Variants in TBC1D5 observed in about 807,000 individuals in gnomAD.
TBC1D5 encodes the protein TBC1 domain family, member 5.
TBC1D5 carries 75 observed loss-of-function variants against 100.3 expected under a neutral mutation model. The observed-to-expected ratio is 0.75, with a 90% CI of 0.62 to 0.91. The LOEUF (loss-of-function observed/expected upper bound fraction) is 0.91. Among genes scored for constraint, TBC1D5 ranks in the 40% least tolerant of loss-of-function variants. The pLI is 0.00. For synonymous variants in TBC1D5, 323 were observed against 325.6 expected, an observed-to-expected ratio of 0.99 and a Z score of 0.09; for missense variants, 910 against 942.4, an observed-to-expected ratio of 0.97 and a Z score of 0.45.
At chr3:17,495,637 G>T (rs2150667761) in intron 3 of TBC1D5, among the ~76,000 whole-genome samples, 1 of 152,324 alleles carries the variant, frequency 6.6e-6, no homozygotes, top group East Asian at 1.9e-4. Flanking sequence ...AGGCCAGATA[G>T]AAGAAGTAAC....
At chr3:17,471,788 T>TC (rs2095378061) in intron 3 of TBC1D5, among the ~76,000 whole-genome samples, 1 of 152,134 alleles carries the variant, frequency 6.6e-6, no homozygotes, top group Non-Finnish European at 1.5e-5. Context: ...CATGTGTTTT[T>TC]CAACCTGAGG....
intron 1 of TBC1D5, among the ~76,000 whole-genome samples, chr3:17,719,324 G>A (rs560765422): frequency 6.6e-6 from 1 of 152,224 alleles, no homozygotes; most frequent in South Asian, 2.1e-4. Flanking sequence ...AGGTTTCTCA[G>A]CAGAGCACCA....
At chr3:17,679,265 G>A (rs1379141166) in intron 1 of TBC1D5, among the ~76,000 whole-genome samples, 1 of 150,288 alleles carries the variant, frequency 6.7e-6, no homozygotes, top group Non-Finnish European at 1.5e-5. Flanking sequence ...TCCTAAAACA[G>A]AAGGTAAATG....
At chr3:17,346,367 C>G (rs2089875766) in intron 13 of TBC1D5, among the ~76,000 whole-genome samples, 1 of 151,954 alleles carries the variant, frequency 6.6e-6, no homozygotes, top group Non-Finnish European at 1.5e-5. Context: ...AATTTTTTTT[C>G]AAATGCTTAT....
At chr3:17,259,724 CGGG>C (rs1203634294) in intron 15 of TBC1D5, among the ~76,000 whole-genome samples, 9 of 91,952 alleles carry the variant, frequency 9.8e-5, no homozygotes, top group Admixed American at 5.6e-4. Context: ...GGGGGGGTTG[CGGG>C]GGGATATAAT....
chr3:17,668,714 T>C (rs1183645280), intron 1 of TBC1D5, among the ~76,000 whole-genome samples: 3 of 152,062 alleles, frequency 2.0e-5, no homozygotes, highest in African/African-American at 7.2e-5. Context: ...ACATTTCACA[T>C]AAAAATTTAG....
chr3:17,455,273 T>G (rs1456072546), intron 3 of TBC1D5, among the ~76,000 whole-genome samples: 1 of 146,704 alleles, frequency 6.8e-6, no homozygotes, highest in Non-Finnish European at 1.5e-5. Context: ...TATATACATA[T>G]ATGTGTGTAT....
intron 17 of TBC1D5, 94 bp downstream of exon 17, chr3:17,238,069 T>A: frequency 6.7e-7 from 1 of 1,487,702 alleles, no homozygotes; most frequent in Non-Finnish European, 9.0e-7. Context: ...TGCATTAATT[T>A]CTATTCTAGG....
At chr3:17,239,167 A>G (rs75254983) in intron 16 of TBC1D5, among the ~76,000 whole-genome samples, 7 of 152,168 alleles carry the variant, frequency 4.6e-5, no homozygotes, top group Admixed American at 2.0e-4. Flanking sequence ...GTTAACTACT[A>G]TATTGCCATT....
chr3:17,679,335 A>T (rs530074109), intron 1 of TBC1D5, among the ~76,000 whole-genome samples: 111 of 151,678 alleles, frequency 7.3e-4, no homozygotes, highest in Admixed American at 1.8e-3. Context: ...AGATTATTGG[A>T]AACAAGACCA....
rs142465942 is a variant in TBC1D5 at position 17,349,927 on chromosome 3, T to C, written c.995+22148A>G. Among the ~76,000 whole-genome samples, 755 of 152,354 alleles carry C rather than the reference T, an allele frequency of 5.0e-3. 13 individuals are homozygous for C. In the East Asian group the frequency reaches 0.073, roughly 15 times the overall value. On this transcript the variant is annotated intron_variant, in intron 13 of 21. Transcript: ENST00000253692. Reference sequence around the variant, plus strand: ...TTATATGAGTATCACAAGTCATTTGTAAATAACATGTTCATTTTAGATATG... The same window carrying C: ...TTATATGAGTATCACAAGTCATTTGCAAATAACATGTTCATTTTAGATATG...
intron 3 of TBC1D5, among the ~76,000 whole-genome samples, chr3:17,468,773 G>A (rs771834000): frequency 2.6e-5 from 4 of 152,142 alleles, no homozygotes; most frequent in Non-Finnish European, 5.9e-5. Context: ...ACTGCAGGCT[G>A]TTTCATAATA....
chr3:17,172,372 T>C (rs2067245372), intron 19 of TBC1D5, among the ~76,000 whole-genome samples: 1 of 152,214 alleles, frequency 6.6e-6, no homozygotes, highest in African/African-American at 2.4e-5. Flanking sequence ...TTTAAGTAAG[T>C]TACATCTGCA....
At chr3:17,580,951 T>C (rs1294945389) in intron 2 of TBC1D5, among the ~76,000 whole-genome samples, 1 of 152,220 alleles carries the variant, frequency 6.6e-6, no homozygotes, top group Non-Finnish European at 1.5e-5. Flanking sequence ...ACTGCATCAA[T>C]GTTACATCTT....
chr3:17,474,396 T>C (rs1409311430), intron 3 of TBC1D5, among the ~76,000 whole-genome samples: 1 of 152,168 alleles, frequency 6.6e-6, no homozygotes, highest in Non-Finnish European at 1.5e-5. Flanking sequence ...GGGAAAATCA[T>C]ACCCTGTTTT....
At chr3:17,263,774 C>G (rs1236713116) in intron 15 of TBC1D5, among the ~76,000 whole-genome samples, 1 of 152,144 alleles carries the variant, frequency 6.6e-6, no homozygotes, top group Non-Finnish European at 1.5e-5. Context: ...AATAACAAAT[C>G]AAAACTAAAT....
At chr3:17,544,188 A>C (rs930855127) in intron 2 of TBC1D5, among the ~76,000 whole-genome samples, 5 of 152,068 alleles carry the variant, frequency 3.3e-5, no homozygotes, top group African/African-American at 4.8e-5. Flanking sequence ...GCTTTTCTTA[A>C]AATTCCCCAG....
At chr3:17,645,037 A>G (rs867441023) in intron 1 of TBC1D5, among the ~76,000 whole-genome samples, 2 of 152,154 alleles carry the variant, frequency 1.3e-5, no homozygotes, top group Non-Finnish European at 2.9e-5. Context: ...AAGTTGTGGT[A>G]GTCATTTTCT....
chr3:17,225,400 C>G (rs142883287), intron 17 of TBC1D5, among the ~76,000 whole-genome samples: 114 of 143,216 alleles, frequency 8.0e-4, no homozygotes, highest in African/African-American at 2.8e-3. Context: ...GAGTGCATCA[C>G]TGCACTCCAG....
Sources: gnomAD v4.1 joint callset for allele counts (sites outside exome capture counted in the v4.1 genomes callset) on GRCh38, gnomAD v4.1.1 for gene constraint, MANE v1.5 for transcripts, NCBI Gene and HGNC (gene_info 2026-07-23, HGNC 2026-07-21) for gene names.